SLC4A10: variants seen among roughly 807,000 people sequenced by gnomAD.
The protein encoded by SLC4A10 is solute carrier family 4 member 10.
Under a neutral mutation model 137.7 loss-of-function variants are expected in SLC4A10, and 42 were observed. That is an observed-to-expected ratio of 0.30 (90% CI 0.24 to 0.39). The LOEUF is 0.39. Ranked by LOEUF, SLC4A10 falls within the 10% of genes least tolerant of loss-of-function variation. The probability of loss-of-function intolerance (pLI) is 1.00; values close to 1 mark genes in which losing one functional copy is unlikely to be tolerated. For missense variants in SLC4A10, 925 were observed against 1,355.0 expected (o/e 0.68, Z 4.98); for synonymous variants, 474 against 464.1 (o/e 1.02, Z -0.27).
chr2:161,687,960 GCAATGTAAGAATGGACTAA>G (rs2041613212), intron 1 of SLC4A10, among the ~76,000 whole-genome samples: 1 of 151,986 alleles, frequency 6.6e-6, no homozygotes, highest in East Asian at 1.9e-4. Context: ...TATCTTCATA[GCAATGTAAGAATGGACTAA>G]TACAAATATC....
At chr2:161,749,871 A>C (rs984421126) in intron 1 of SLC4A10, among the ~76,000 whole-genome samples, 2 of 151,874 alleles carry the variant, frequency 1.3e-5, no homozygotes, top group African/African-American at 4.8e-5. Flanking sequence ...GGAAGAATTC[A>C]GATGTGAAGC....
chr2:161,654,683 C>T (rs1261497925), intron 1 of SLC4A10, among the ~76,000 whole-genome samples: 1 of 152,016 alleles, frequency 6.6e-6, no homozygotes, highest in African/African-American at 2.4e-5. Flanking sequence ...GTTAGTTGAC[C>T]TTATATGCAT....
Position 161,836,547 on chromosome 2 carries a change from A to G in SLC4A10, c.278-3242A>G, listed in dbSNP as rs1559359072. ...GAGAGAGAGAGAAAGAAAGAAAGAAAGAAAGAAAGAAAGAAAGAAAGAAAG... is the reference window on the plus strand; with the variant it reads ...GAGAGAGAGAGAAAGAAAGAAAGAAGGAAAGAAAGAAAGAAAGAAAGAAAG... On this transcript the variant is annotated intron_variant, in intron 3 of 26. Coordinates refer to ENST00000446997, the MANE Select transcript of SLC4A10 (RefSeq NM_001178015.2). 1.6e-4 allele frequency among the ~76,000 whole-genome samples: 8 copies of G among 49,604 alleles called. No homozygotes were observed. In the South Asian group the frequency reaches 5.7e-3, roughly 35 times the overall value. 32.5% of individuals were successfully genotyped at this position (49,604 alleles called of 152,430 possible). A position where few individuals can be genotyped will look rare whatever the true frequency, so the allele number is the denominator to read the frequency against.
chr2:161,661,913 C>T (rs942240905), intron 1 of SLC4A10, among the ~76,000 whole-genome samples: 1 of 152,098 alleles, frequency 6.6e-6, no homozygotes. Flanking sequence ...TTTAGTTAAA[C>T]TTGTAATATT....
At chr2:161,695,418 T>G (rs2042387662) in intron 1 of SLC4A10, among the ~76,000 whole-genome samples, 2 of 152,080 alleles carry the variant, frequency 1.3e-5, no homozygotes, top group Admixed American at 1.3e-4. Flanking sequence ...TATTGAATTT[T>G]TGCATACTGT....
intron 15 of SLC4A10, among the ~76,000 whole-genome samples, chr2:161,939,018 C>T (rs2105727937): frequency 1.3e-5 from 2 of 151,440 alleles, no homozygotes; most frequent in East Asian, 1.9e-4. Flanking sequence ...CTTGTTTTAC[C>T]CATGTTAAGT....
intron 15 of SLC4A10, among the ~76,000 whole-genome samples, chr2:161,917,723 C>A (rs887421060): frequency 6.6e-6 from 1 of 152,062 alleles, no homozygotes; most frequent in South Asian, 2.1e-4. Context: ...TGGTGTGTAG[C>A]GGTATTTTTA....
intron 2 of SLC4A10, among the ~76,000 whole-genome samples, chr2:161,792,315 T>C (rs2125540125): frequency 6.6e-6 from 1 of 152,306 alleles, no homozygotes; most frequent in Admixed American, 6.5e-5. Context: ...CAGGAAATTG[T>C]TCCTTTAATC....
At chr2:161,890,987 C>T (rs1464789551) in intron 10 of SLC4A10, among the ~76,000 whole-genome samples, 3 of 152,076 alleles carry the variant, frequency 2.0e-5, no homozygotes, top group Non-Finnish European at 4.4e-5. Flanking sequence ...TAAGGCAGGC[C>T]TGGTAGTGAC....
intron 3 of SLC4A10, among the ~76,000 whole-genome samples, chr2:161,809,467 G>A (rs1275845052): frequency 6.6e-6 from 1 of 151,968 alleles, no homozygotes; most frequent in African/African-American, 2.4e-5. Flanking sequence ...ATGTTGGGAA[G>A]GGTATTTCCT....
chr2:161,836,588 G>GGAAGGAAAGAAATGAAAGA (rs2058822253), intron 3 of SLC4A10, among the ~76,000 whole-genome samples: 1 of 60,224 alleles, frequency 1.7e-5, no homozygotes, highest in Non-Finnish European at 3.5e-5. Flanking sequence ...AAGAAAGAAA[G>GGAAGGAAAGAAATGAAAGA]AAAGAAAGAA....
chr2:161,972,379 A>G (rs1043020732), intron 23 of SLC4A10, among the ~76,000 whole-genome samples: 15 of 152,156 alleles, frequency 9.9e-5, no homozygotes, highest in African/African-American at 3.6e-4. Context: ...TATGCATGTA[A>G]TATATTTCAT....
intron 15 of SLC4A10, among the ~76,000 whole-genome samples, chr2:161,916,194 T>C (rs764516416): frequency 3.9e-5 from 6 of 152,220 alleles, no homozygotes; most frequent in Non-Finnish European, 8.8e-5. Flanking sequence ...ATTGAATAAA[T>C]GTTTGTATTT....
intron 16 of SLC4A10, among the ~76,000 whole-genome samples, chr2:161,945,792 T>A (rs966831705): frequency 2.6e-5 from 4 of 151,952 alleles, no homozygotes; most frequent in Non-Finnish European, 5.9e-5. Flanking sequence ...AGGCAGACCA[T>A]TGGCAAATTA....
At position 161,770,959 on chromosome 2, in the gene SLC4A10, T is replaced by C. The variant is rs762900217; in HGVS notation, c.49-14T>C. On this transcript the variant is annotated splice_polypyrimidine_tract_variant and intron_variant, in intron 1 of 26. Transcript: ENST00000446997. Reference sequence around the variant, plus strand: ...GTGTGTTATCATTTAATCTTCCTTATCCTCATTTAACAGAGAAATGATGAA... The same window carrying C: ...GTGTGTTATCATTTAATCTTCCTTACCCTCATTTAACAGAGAAATGATGAA... 3.8e-6 allele frequency: 6 copies of C among 1,583,942 alleles called. No individual in the cohort carries two copies. The highest frequency in any genetic ancestry group is 5.2e-6 in the Non-Finnish European group (6 of 1,158,180).
At chr2:161,744,843 A>G (rs1410008867) in intron 1 of SLC4A10, among the ~76,000 whole-genome samples, 1 of 152,150 alleles carries the variant, frequency 6.6e-6, no homozygotes, top group Non-Finnish European at 1.5e-5. Context: ...TGATAGGTTT[A>G]TCTTTTAGTC....
At chr2:161,859,065 C>A (rs2060256961) in intron 5 of SLC4A10, among the ~76,000 whole-genome samples, 1 of 152,098 alleles carries the variant, frequency 6.6e-6, no homozygotes, top group South Asian at 2.1e-4. Flanking sequence ...TATTCCCCCC[C>A]ACCTCTCCCA....
Position 161,964,128 on chromosome 2 carries a change from CT to C in SLC4A10, c.2863-3del. 6.3e-7 allele frequency: 1 copy of C among 1,589,110 alleles called. No individual in the cohort carries two copies. The highest frequency in any genetic ancestry group is 8.6e-7 in the Non-Finnish European group (1 of 1,166,804). Reference sequence around the variant, plus strand: ...CTAAAAACAATTTAGTCTGTTTAATCTTTTAGTTCTTTGATAGGATAAAGCT... The same window carrying C: ...CTAAAAACAATTTAGTCTGTTTAATCTTTAGTTCTTTGATAGGATAAAGCT... On this transcript the variant is annotated splice_polypyrimidine_tract_variant and splice_region_variant and intron_variant, in intron 21 of 26. Transcript: ENST00000446997.
chr2:161,779,592 T>G (rs1025981242), intron 2 of SLC4A10, among the ~76,000 whole-genome samples: 5 of 151,932 alleles, frequency 3.3e-5, no homozygotes, highest in African/African-American at 1.2e-4. Flanking sequence ...AGTGCACATC[T>G]CATAATTATA....
Sources: gnomAD v4.1 joint callset for allele counts (sites outside exome capture counted in the v4.1 genomes callset) on GRCh38, gnomAD v4.1.1 for gene constraint, MANE v1.5 for transcripts, NCBI Gene and HGNC (gene_info 2026-07-23, HGNC 2026-07-21) for gene names.